ZNG1E: variants seen among roughly 807,000 people sequenced by gnomAD.
ZNG1E encodes the protein Zn regulated GTPase metalloprotein activator 1E.
At chr9:65,661,938 G>A in the ZNG1E span, among the ~76,000 whole-genome samples, 2 of 152,262 alleles carry the variant, frequency 1.3e-5, no homozygotes, top group African/African-American at 4.8e-5. Flanking sequence ...AAGAATAATG[G>A]ATGATCAACT....
the ZNG1E span, chr9:65,691,178 G>A: frequency 9.1e-7 from 1 of 1,099,420 alleles, no homozygotes; most frequent in Non-Finnish European, 1.3e-6. Context: ...TACCTCCTGG[G>A]TTCAAGTGAT....
chr9:65,669,513 C>CA, the ZNG1E span, among the ~76,000 whole-genome samples: 2 of 150,338 alleles, frequency 1.3e-5, no homozygotes, highest in Admixed American at 1.3e-4. Context: ...TCATTTTGCC[C>CA]AACCTCCACT....
the ZNG1E span, among the ~76,000 whole-genome samples, chr9:65,714,889 AG>A: frequency 6.6e-6 from 1 of 151,920 alleles, no homozygotes; most frequent in African/African-American, 2.4e-5. Context: ...GAGCCTACAG[AG>A]GCAGGCAGGC....
chr9:65,693,777 G>T, the ZNG1E span, among the ~76,000 whole-genome samples: 2 of 151,836 alleles, frequency 1.3e-5, no homozygotes, highest in South Asian at 4.2e-4. Context: ...GCCTGGTCAT[G>T]AACTCCTGAC....
At chr9:65,659,539 GA>G in the ZNG1E span, among the ~76,000 whole-genome samples, 2 of 149,670 alleles carry the variant, frequency 1.3e-5, no homozygotes, top group Non-Finnish European at 3.0e-5. Context: ...TTCCAACCCA[GA>G]ATTCTCAACT....
chr9:65,715,216 C>G, the ZNG1E span, among the ~76,000 whole-genome samples: 1 of 146,492 alleles, frequency 6.8e-6, no homozygotes, highest in East Asian at 2.0e-4. Context: ...CCCTGACCCC[C>G]GTGCTTCCCA....
the ZNG1E span, among the ~76,000 whole-genome samples, chr9:65,663,239 C>A: frequency 6.6e-6 from 1 of 152,336 alleles, no homozygotes; most frequent in East Asian, 1.9e-4. Context: ...GGAATGTAAC[C>A]CTTAACTTTA....
chr9:65,661,925 A>G, the ZNG1E span, among the ~76,000 whole-genome samples: 1 of 152,376 alleles, frequency 6.6e-6, no homozygotes, highest in East Asian at 1.9e-4. Flanking sequence ...TGTAATTTTG[A>G]AAAAGAATAA....
At chr9:65,684,533 T>TACACAC in the ZNG1E span, among the ~76,000 whole-genome samples, 4 of 90,196 alleles carry the variant, frequency 4.4e-5, no homozygotes, top group African/African-American at 1.3e-4. Context: ...CAAGACTGTA[T>TACACAC]ACACACACAC....
chr9:65,681,076 G>A, the ZNG1E span, among the ~76,000 whole-genome samples: 2 of 151,116 alleles, frequency 1.3e-5, no homozygotes, highest in African/African-American at 2.4e-5. Context: ...ATGAGCACAC[G>A]GTACACTGGC....
At chr9:65,703,104 A>T in the ZNG1E span, 1 of 255,620 alleles carries the variant, frequency 3.9e-6, no homozygotes, top group East Asian at 6.1e-5. Flanking sequence ...CTTGATTCTG[A>T]TATAAGAAAG....
chr9:65,665,359 C>T, the ZNG1E span, among the ~76,000 whole-genome samples: 303 of 152,312 alleles, frequency 2.0e-3, 9 homozygotes, highest in East Asian at 0.012. Context: ...CAAAGTACAG[C>T]TCTGTCTGTT....
At chr9:65,678,054 C>G in the ZNG1E span, among the ~76,000 whole-genome samples, 8 of 150,352 alleles carry the variant, frequency 5.3e-5, no homozygotes, top group African/African-American at 2.0e-4. Flanking sequence ...AAATCTGTAA[C>G]GTATTAGAAA....
chr9:65,684,554 A>G, the ZNG1E span, among the ~76,000 whole-genome samples: 988 of 144,984 alleles, frequency 6.8e-3, 2 homozygotes, highest in African/African-American at 0.024. Flanking sequence ...ACGCACGCAC[A>G]CACACACACA....
chr9:65,676,588 A>G, the ZNG1E span, among the ~76,000 whole-genome samples: 1 of 151,038 alleles, frequency 6.6e-6, no homozygotes, highest in Admixed American at 6.6e-5. Flanking sequence ...CCCCTTCCCC[A>G]GGAGCCAAAG....
At chr9:65,671,789 G>T in the ZNG1E span, among the ~76,000 whole-genome samples, 1 of 146,612 alleles carries the variant, frequency 6.8e-6, no homozygotes, top group Non-Finnish European at 1.5e-5. Context: ...TGATTTTGTG[G>T]TGCTTAGCAT....
the ZNG1E span, among the ~76,000 whole-genome samples, chr9:65,672,537 A>G: frequency 6.6e-6 from 1 of 151,790 alleles, no homozygotes; most frequent in African/African-American, 2.4e-5. Context: ...GGAGGTCAGG[A>G]GTTCAAGACC....
At chr9:65,666,859 C>T in the ZNG1E span, among the ~76,000 whole-genome samples, 13 of 151,968 alleles carry the variant, frequency 8.6e-5, no homozygotes, top group Admixed American at 3.9e-4. Flanking sequence ...TCTCTGTTAT[C>T]GCCCAGGCTG....
At chr9:65,684,822 A>C in the ZNG1E span, among the ~76,000 whole-genome samples, 1 of 152,204 alleles carries the variant, frequency 6.6e-6, no homozygotes, top group Non-Finnish European at 1.5e-5. Flanking sequence ...GCTTAGTTCC[A>C]TATCACTGCA....
Sources: gnomAD v4.1 joint callset for allele counts (sites outside exome capture counted in the v4.1 genomes callset) on GRCh38, gnomAD v4.1.1 for gene constraint, MANE v1.5 for transcripts, NCBI Gene and HGNC (gene_info 2026-07-23, HGNC 2026-07-21) for gene names.